GALNTL6: variants seen among roughly 807,000 people sequenced by gnomAD.
GALNTL6 encodes the protein polypeptide N-acetylgalactosaminyltransferase like 6.
GALNTL6 carries 46 observed loss-of-function variants against 73.7 expected under a neutral mutation model. The observed-to-expected ratio is 0.62, with a 90% CI of 0.49 to 0.80. The LOEUF (loss-of-function observed/expected upper bound fraction) is 0.80, where lower values mean the gene tolerates loss of function less well. Among genes scored for constraint, GALNTL6 ranks in the 30% least tolerant of loss-of-function variants. The pLI, the probability that GALNTL6 is intolerant of heterozygous loss-of-function variation, is 0.00. For missense variants in GALNTL6, 604 were observed against 755.0 expected, an observed-to-expected ratio of 0.80 and a Z score of 2.34; for synonymous variants, 259 against 263.7, an observed-to-expected ratio of 0.98 and a Z score of 0.17.
At chr4:172,252,328 T>G (rs1737911311) in intron 3 of GALNTL6, among the ~76,000 whole-genome samples, 1 of 152,104 alleles carries the variant, frequency 6.6e-6, no homozygotes, top group Non-Finnish European at 1.5e-5. Flanking sequence ...AATCTGGCAT[T>G]AAAATCTTCA....
intron 5 of GALNTL6, among the ~76,000 whole-genome samples, chr4:172,775,694 CT>C (rs1211008291): frequency 2.0e-5 from 3 of 152,058 alleles, no homozygotes; most frequent in Non-Finnish European, 4.4e-5. Context: ...TTTTGTCTTC[CT>C]TTTGAATGCA....
At chr4:171,919,856 T>G (rs1369386350) in intron 2 of GALNTL6, among the ~76,000 whole-genome samples, 1 of 152,088 alleles carries the variant, frequency 6.6e-6, no homozygotes, top group South Asian at 2.1e-4. Flanking sequence ...TGGCAATTCC[T>G]CAGGGATCTA....
chr4:171,977,891 T>C (rs1213843054), intron 2 of GALNTL6, among the ~76,000 whole-genome samples: 1 of 152,190 alleles, frequency 6.6e-6, no homozygotes, highest in Non-Finnish European at 1.5e-5. Flanking sequence ...TAGATTGGCT[T>C]ACTGTTTTGT....
intron 5 of GALNTL6, among the ~76,000 whole-genome samples, chr4:172,478,923 A>C (rs550724545): frequency 6.6e-6 from 1 of 152,236 alleles, no homozygotes; most frequent in African/African-American, 2.4e-5. Context: ...GCTCAACATC[A>C]CTAGTTATCA....
chr4:172,249,966 T>C (rs1391144948), intron 3 of GALNTL6, among the ~76,000 whole-genome samples: 3 of 152,068 alleles, frequency 2.0e-5, no homozygotes, highest in African/African-American at 7.2e-5. Flanking sequence ...AGTGGAGCTG[T>C]GAGAAGAGGG....
At chr4:171,961,284 C>T (rs1400610943) in intron 2 of GALNTL6, among the ~76,000 whole-genome samples, 1 of 152,134 alleles carries the variant, frequency 6.6e-6, no homozygotes, top group East Asian at 1.9e-4. Context: ...CTAACAGTCC[C>T]TGTACAGGGT....
chr4:172,523,230 A>G (rs192887845), intron 5 of GALNTL6, among the ~76,000 whole-genome samples: 41 of 152,366 alleles, frequency 2.7e-4, no homozygotes, highest in African/African-American at 9.4e-4. Flanking sequence ...TCTACTGTTC[A>G]GTAACATCCT....
At chr4:172,532,575 T>C (rs944026531) in intron 5 of GALNTL6, among the ~76,000 whole-genome samples, 2 of 152,208 alleles carry the variant, frequency 1.3e-5, no homozygotes, top group African/African-American at 4.8e-5. Flanking sequence ...ATCATTCTTT[T>C]CCACAAATAA....
At chr4:172,897,839 G>T (rs964376193) in intron 8 of GALNTL6, among the ~76,000 whole-genome samples, 1 of 152,172 alleles carries the variant, frequency 6.6e-6, no homozygotes, top group Non-Finnish European at 1.5e-5. Context: ...TGGTGATGTT[G>T]CTCCTCCCAA....
chr4:171,896,872 C>T (rs1736932492), intron 2 of GALNTL6, among the ~76,000 whole-genome samples: 2 of 151,792 alleles, frequency 1.3e-5, no homozygotes, highest in Non-Finnish European at 2.9e-5. Flanking sequence ...TAGTTTAAAG[C>T]CAATTGAAAA....
intron 5 of GALNTL6, chr4:172,668,127 A>G (rs1461438164): frequency 2.0e-5 from 3 of 152,166 alleles, no homozygotes; most frequent in Non-Finnish European, 4.4e-5. Flanking sequence ...AAAGCATGAA[A>G]AAAGATATTA....
intron 9 of GALNTL6, among the ~76,000 whole-genome samples, chr4:172,949,367 A>G (rs901530958): frequency 3.3e-5 from 5 of 152,212 alleles, no homozygotes; most frequent in African/African-American, 1.2e-4. Flanking sequence ...CTAGAATTTT[A>G]AAGGTATATT....
At chr4:172,558,448 A>G (rs1736225272) in intron 5 of GALNTL6, among the ~76,000 whole-genome samples, 1 of 152,188 alleles carries the variant, frequency 6.6e-6, no homozygotes, top group Non-Finnish European at 1.5e-5. Context: ...TAGTCCAATA[A>G]GACTGGTGTC....
intron 5 of GALNTL6, among the ~76,000 whole-genome samples, chr4:172,695,804 T>A (rs1733651575): frequency 6.6e-6 from 1 of 152,028 alleles, no homozygotes; most frequent in East Asian, 1.9e-4. Context: ...AAGAAAAAAA[T>A]TAGCCGGGCA....
intron 2 of GALNTL6, among the ~76,000 whole-genome samples, chr4:172,003,318 G>C (rs2110763483): frequency 6.6e-6 from 1 of 151,916 alleles, no homozygotes; most frequent in Admixed American, 6.6e-5. Flanking sequence ...TAAATTTCTA[G>C]GACTTTCTAA....
intron 5 of GALNTL6, among the ~76,000 whole-genome samples, chr4:172,684,649 A>G (rs1376343687): frequency 6.6e-6 from 1 of 152,200 alleles, no homozygotes. Flanking sequence ...CATTTTAGGA[A>G]GGTTAACAGA....
At chr4:171,951,377 T>C (rs1185708024) in intron 2 of GALNTL6, among the ~76,000 whole-genome samples, 1 of 152,084 alleles carries the variant, frequency 6.6e-6, no homozygotes, top group Non-Finnish European at 1.5e-5. Flanking sequence ...TTATGCAATG[T>C]ACATGATAAA....
At chr4:172,670,886 G>T (rs1360767854) in intron 5 of GALNTL6, among the ~76,000 whole-genome samples, 1 of 152,128 alleles carries the variant, frequency 6.6e-6, no homozygotes, top group African/African-American at 2.4e-5. Flanking sequence ...AGTTATCCCA[G>T]CACCATTTAT....
At chr4:171,959,180 CAAA>C (rs1739143160) in intron 2 of GALNTL6, among the ~76,000 whole-genome samples, 1 of 152,020 alleles carries the variant, frequency 6.6e-6, no homozygotes. Context: ...TGTACCATTA[CAAA>C]ATATGTAATT....
Sources: allele counts gnomAD v4.1 joint callset (sites outside exome capture counted in the v4.1 genomes callset), GRCh38; gene constraint gnomAD v4.1.1; transcripts MANE v1.5; gene names NCBI Gene and HGNC (gene_info 2026-07-23, HGNC 2026-07-21).